Variants in PTPN12 observed in about 807,000 individuals in gnomAD.
The protein encoded by PTPN12 is tyrosine-protein phosphatase non-receptor type 12.
In PTPN12, 29 loss-of-function variants were observed where a neutral mutation model predicts 97.6. The observed-to-expected ratio is 0.30, with a 90% CI of 0.22 to 0.41. The LOEUF is 0.41. Among genes scored for constraint, PTPN12 ranks in the 10% least tolerant of loss-of-function variants. The probability of loss-of-function intolerance (pLI) is 1.00; values close to 1 mark genes in which losing one functional copy is unlikely to be tolerated. For missense variants in PTPN12, 819 were observed against 926.0 expected (o/e 0.88, Z 1.50); for synonymous variants, 327 against 300.4 (o/e 1.09, Z -0.91).
intron 14 of PTPN12, among the ~76,000 whole-genome samples, chr7:77,634,897 T>C (rs1383608107): frequency 6.7e-6 from 1 of 149,440 alleles, no homozygotes; most frequent in African/African-American, 2.5e-5. Flanking sequence ...TTATTTCGAG[T>C]TGGAGTTCCA....
intron 1 of PTPN12, among the ~76,000 whole-genome samples, chr7:77,548,216 T>C (rs1271842741): frequency 1.3e-5 from 2 of 152,200 alleles, no homozygotes; most frequent in African/African-American, 2.4e-5. Context: ...AGAAAGAAAT[T>C]ACATTTAAAA....
At chr7:77,617,942 T>A (rs376602657) in intron 11 of PTPN12, among the ~76,000 whole-genome samples, 48 of 152,286 alleles carry the variant, frequency 3.2e-4, no homozygotes, top group African/African-American at 1.1e-3. Flanking sequence ...ATAGGAGCTA[T>A]ATTCCCTAAT....
chr7:77,562,790 A>G (rs1808058504), intron 1 of PTPN12, among the ~76,000 whole-genome samples: 1 of 152,202 alleles, frequency 6.6e-6, no homozygotes, highest in African/African-American at 2.4e-5. Context: ...AAATTAATGT[A>G]TATGACAAAA....
At chr7:77,584,393 G>A (rs1787619840) in intron 4 of PTPN12, among the ~76,000 whole-genome samples, 1 of 152,190 alleles carries the variant, frequency 6.6e-6, no homozygotes, top group African/African-American at 2.4e-5. Context: ...AAAACTAGAT[G>A]TGCTTGGGGA....
intron 15 of PTPN12, chr7:77,636,770 A>C: frequency 3.1e-6 from 1 of 319,812 alleles, no homozygotes; most frequent in Non-Finnish European, 5.7e-6. Flanking sequence ...GGCAAAACAC[A>C]GCTGTATGTT....
Position 77,537,628 on chromosome 7 carries a change from T to G in PTPN12, c.82T>G (p.Phe28Val), listed in dbSNP as rs1459156335. 6.3e-7 allele frequency: 1 copy of G among 1,599,894 alleles called. No individual in the cohort carries two copies. The highest frequency in any genetic ancestry group is 8.5e-7 in the Non-Finnish European group (1 of 1,174,428). Residue 28 changes from phenylalanine (F) to valine (V), a missense_variant, in exon 1 of 18, where the codon TTC (phenylalanine) becomes GTC (valine). Around this residue, in one of 5 missense-constraint regions of PTPN12, gnomAD observed 59 missense variants for 42.2 expected, o/e 1.40. Coordinates refer to ENST00000248594, the MANE Select transcript of PTPN12 (RefSeq NM_002835.4). The stretch of plus-strand genomic sequence containing the variant: ...TCCTGACCACAATGGGGAGGACAAC[T>G]TCGCCCGGGACTTCATGGTGAGTCT... ...KSPDHNGEDN[F>V]ARDFMRLRRL...
chr7:77,637,230 A>G (rs1437755715), intron 16 of PTPN12, among the ~76,000 whole-genome samples, 182 bp downstream of exon 16: 2 of 152,232 alleles, frequency 1.3e-5, no homozygotes, highest in Non-Finnish European at 2.9e-5. Flanking sequence ...ACCACCAGAT[A>G]GTAGTATTGA....
At chr7:77,557,720 A>G (rs1374712217) in intron 1 of PTPN12, among the ~76,000 whole-genome samples, 1 of 152,184 alleles carries the variant, frequency 6.6e-6, no homozygotes, top group Non-Finnish European at 1.5e-5. Context: ...CTATATATCA[A>G]TTAAAAGAAC....
intron 5 of PTPN12, 150 bp from the exon 6 acceptor site, chr7:77,592,035 A>G (rs1787883288): frequency 1.0e-5 from 7 of 668,446 alleles, no homozygotes; most frequent in Non-Finnish European, 1.8e-5. Flanking sequence ...AACTGGGTAA[A>G]TCTAAGCTCT....
intron 12 of PTPN12, among the ~76,000 whole-genome samples, chr7:77,623,863 G>C (rs987998182): frequency 6.6e-6 from 1 of 151,988 alleles, no homozygotes; most frequent in African/African-American, 2.4e-5. Context: ...ATGTTCTTAG[G>C]ATAACCTATT....
intron 2 of PTPN12, among the ~76,000 whole-genome samples, chr7:77,572,750 T>A (rs904536261): frequency 5.3e-5 from 8 of 152,166 alleles, no homozygotes; most frequent in African/African-American, 1.9e-4. Context: ...ATAATACTTT[T>A]TAGGATTATT....
chr7:77,542,976 A>G lies in PTPN12; in HGVS notation c.99+5331A>G, dbSNP rs1168107001. On this transcript the variant is annotated intron_variant, in intron 1 of 17. Coordinates refer to ENST00000248594, the MANE Select transcript of PTPN12 (RefSeq NM_002835.4). ...AGTGACCAGCTTTAGGTTGAAGAAC[A>G]TCAGTCTTAAAATAACAGCCAAAAG... is the stretch of plus-strand genomic sequence containing the variant. Among the ~76,000 whole-genome samples the G allele has an allele frequency of 3.3e-5, 5 of 152,138 alleles. No individual in the cohort carries two copies. The South Asian group carries it at 1.0e-3, about 32-fold the overall frequency.
chr7:77,625,470 T>TCGCTCGCTCGCG lies in PTPN12; in HGVS notation c.1026-1230_1026-1229insGCTCGCGCGCTC, dbSNP rs1491229940. Among the ~76,000 whole-genome samples the TCGCTCGCTCGCG allele has an allele frequency of 6.7e-5, 3 of 45,052 alleles. 1 individual carries two copies. Among genetic ancestry groups the TCGCTCGCTCGCG allele is most frequent in the Non-Finnish European group, 1.1e-4 (3 of 27,510 alleles). 29.6% of individuals were successfully genotyped at this position (45,052 alleles called of 152,430 possible). A position where few individuals can be genotyped will look rare whatever the true frequency, so the allele number is the denominator to read the frequency against. The stretch of plus-strand genomic sequence containing the variant: ...GGTTTTGCCATATTGCCCAGGCTGC[T>TCGCTCGCTCGCG]CGCTCTCTCTCTCTCTCTCTCTCTC... On this transcript the variant is annotated intron_variant, in intron 12 of 17. Coordinates refer to ENST00000248594, the MANE Select transcript of PTPN12 (RefSeq NM_002835.4).
chr7:77,540,239 C>CTTTTTT (rs71688645), intron 1 of PTPN12, among the ~76,000 whole-genome samples: 1 of 143,816 alleles, frequency 7.0e-6, no homozygotes, highest in Non-Finnish European at 1.5e-5. Flanking sequence ...TTCTTTCTTT[C>CTTTTTT]TTTCTTTTTT....
chr7:77,578,600 G>C (rs976586876), intron 2 of PTPN12, among the ~76,000 whole-genome samples: 5 of 152,080 alleles, frequency 3.3e-5, no homozygotes, highest in African/African-American at 1.2e-4. Context: ...TATAAAATTT[G>C]AGCCAATGAA....
chr7:77,554,026 G>T (rs1807592184), intron 1 of PTPN12, among the ~76,000 whole-genome samples: 1 of 152,056 alleles, frequency 6.6e-6, no homozygotes, highest in Non-Finnish European at 1.5e-5. Context: ...GAATGCAGTG[G>T]CATGTCATAG....
intron 11 of PTPN12, among the ~76,000 whole-genome samples, chr7:77,614,447 A>G (rs1008491326): frequency 6.6e-6 from 1 of 152,220 alleles, no homozygotes; most frequent in African/African-American, 2.4e-5. Context: ...ATGAGATGAA[A>G]TAATACCCAT....
chr7:77,573,052 C>T (rs1399759287), intron 2 of PTPN12, among the ~76,000 whole-genome samples: 6 of 120,848 alleles, frequency 5.0e-5, no homozygotes, highest in Non-Finnish European at 7.9e-5. Flanking sequence ...CATTGCATTC[C>T]AGCCTGGGCG....
chr7:77,537,767 C>G (rs551148398), intron 1 of PTPN12, 122 bp downstream of exon 1: 1 of 1,108,266 alleles, frequency 9.0e-7, no homozygotes, highest in South Asian at 2.0e-5. Context: ...GGGGCGCGCA[C>G]CAGCCGGGTG....
Sources: gnomAD v4.1 joint callset for allele counts (sites outside exome capture counted in the v4.1 genomes callset) on GRCh38, gnomAD v4.1.1 for gene constraint, gnomAD v4.1.1 regional missense constraint, MANE v1.5 for transcripts, NCBI Gene and HGNC (gene_info 2026-07-23, HGNC 2026-07-21) for gene names.